BAZ2B: variants seen among roughly 807,000 people sequenced by gnomAD.
BAZ2B encodes the protein bromodomain adjacent to zinc finger domain protein 2B.
A neutral mutation model predicts 246.0 loss-of-function variants in BAZ2B; 91 were observed. The ratio of observed to expected loss-of-function variants is 0.37; its 90% confidence interval spans 0.31 to 0.44. BAZ2B has a LOEUF of 0.44. BAZ2B is among the 20% of genes least tolerant of loss of function. The pLI, the probability that BAZ2B is intolerant of heterozygous loss-of-function variation, is 1.00. For missense variants in BAZ2B, 2,332 were observed against 2,533.7 expected (o/e 0.92, Z 1.71); for synonymous variants, 855 against 860.0 (o/e 0.99, Z 0.10).
chr2:159,347,432 CATT>C (rs2068064535), intron 31 of BAZ2B, 51 bp downstream of exon 31: 11 of 1,538,144 alleles, frequency 7.2e-6, no homozygotes, highest in Middle Eastern at 3.4e-4. Flanking sequence ...AAGTAATAAA[CATT>C]AGTTATCTTC....
the BAZ2B span, among the ~76,000 whole-genome samples, chr2:159,628,229 A>C: frequency 6.6e-6 from 1 of 152,224 alleles, no homozygotes; most frequent in African/African-American, 2.4e-5. Context: ...AATATTGTGA[A>C]AATGGCCATA....
intron 1 of BAZ2B, among the ~76,000 whole-genome samples, chr2:159,560,359 CTCTTT>C (rs2089700498): frequency 6.6e-6 from 1 of 152,018 alleles, no homozygotes; most frequent in East Asian, 1.9e-4. Context: ...GTGCTCTATG[CTCTTT>C]TCAAGGTATG....
At chr2:159,689,441 G>C in the BAZ2B span, 1 of 234,962 alleles carries the variant, frequency 4.3e-6, no homozygotes, top group South Asian at 5.5e-5. Flanking sequence ...GCACGATCTC[G>C]GCTCACTGCA....
At chr2:159,567,723 T>C (rs1029185063) in intron 1 of BAZ2B, among the ~76,000 whole-genome samples, 4 of 152,118 alleles carry the variant, frequency 2.6e-5, no homozygotes, top group South Asian at 2.1e-4. Context: ...CCTGTAATCA[T>C]AGCACTTCAG....
intron 10 of BAZ2B, 67 bp from the exon 11 acceptor site, chr2:159,429,327 G>C: frequency 1.0e-6 from 1 of 974,304 alleles, no homozygotes; most frequent in African/African-American, 1.6e-5. Flanking sequence ...TGATAGTTTA[G>C]AAACTTTTCT....
intron 1 of BAZ2B, among the ~76,000 whole-genome samples, chr2:159,609,553 T>C (rs1172170881): frequency 1.3e-5 from 2 of 152,206 alleles, no homozygotes; most frequent in African/African-American, 4.8e-5. Flanking sequence ...CTGTTATTGA[T>C]CTATGGACAA....
At chr2:159,601,139 A>G (rs1692035466) in intron 1 of BAZ2B, among the ~76,000 whole-genome samples, 1 of 152,194 alleles carries the variant, frequency 6.6e-6, no homozygotes, top group African/African-American at 2.4e-5. Flanking sequence ...TATGTAAACT[A>G]TACTTCCTGT....
At chr2:159,671,542 A>AAAT in the BAZ2B span, among the ~76,000 whole-genome samples, 1 of 152,208 alleles carries the variant, frequency 6.6e-6, no homozygotes, top group African/African-American at 2.4e-5. Flanking sequence ...ACAGTTATTT[A>AAAT]TTGGGACGAT....
At position 159,446,686 on chromosome 2, in the gene BAZ2B, T is replaced by C. The variant is rs531702392; in HGVS notation, c.696+96A>G. 3 of 1,211,584 alleles carry C rather than the reference T, an allele frequency of 2.5e-6. No individual in the cohort carries two copies. In the South Asian group the frequency reaches 5.2e-5, roughly 21 times the overall value. The allele number at this position is 1,211,584 out of a possible 1,614,324, so 75.1% of individuals were successfully genotyped here. A position where few individuals can be genotyped will look rare whatever the true frequency, so the allele number is the denominator to read the frequency against. On this transcript the variant is annotated intron_variant, in intron 6 of 36. Transcript: ENST00000392783. The stretch of plus-strand genomic sequence containing the variant: ...TATAAAAATAAAAGTTGGTAATTCA[T>C]AAGAAATTAAACCATAGATTCTGTT...
chr2:159,397,880 G>A (rs906514813), intron 18 of BAZ2B, among the ~76,000 whole-genome samples: 5 of 151,448 alleles, frequency 3.3e-5, no homozygotes, highest in Admixed American at 6.6e-5. Flanking sequence ...TATACACTAC[G>A]TATGAATTAA....
At chr2:159,402,546 A>T (rs890884550) in intron 16 of BAZ2B, among the ~76,000 whole-genome samples, 6 of 152,234 alleles carry the variant, frequency 3.9e-5, no homozygotes, top group Non-Finnish European at 1.5e-5. Context: ...GAAAAGATTG[A>T]TCCATATTTG....
At chr2:159,634,110 C>T in the BAZ2B span, among the ~76,000 whole-genome samples, 88 of 152,312 alleles carry the variant, frequency 5.8e-4, no homozygotes, top group African/African-American at 2.1e-3. Context: ...ATTTTCACTA[C>T]TGCCTTTAAT....
At chr2:159,611,289 T>G (rs1387465452) in intron 1 of BAZ2B, among the ~76,000 whole-genome samples, 2 of 151,928 alleles carry the variant, frequency 1.3e-5, no homozygotes, top group Non-Finnish European at 1.5e-5. Flanking sequence ...AGTTCACATT[T>G]CATACACAAT....
At chr2:159,391,833 T>G (rs1039089115) in intron 20 of BAZ2B, among the ~76,000 whole-genome samples, 2 of 152,176 alleles carry the variant, frequency 1.3e-5, no homozygotes, top group African/African-American at 4.8e-5. Flanking sequence ...GGTGTGACCT[T>G]TATCAGTTAA....
intron 1 of BAZ2B, among the ~76,000 whole-genome samples, chr2:159,578,572 G>T (rs1685924173): frequency 1.3e-5 from 2 of 152,130 alleles, no homozygotes; most frequent in Non-Finnish European, 2.9e-5. Flanking sequence ...GCACCAAGCA[G>T]ACCTAATAGA....
chr2:159,687,132 C>T, the BAZ2B span, among the ~76,000 whole-genome samples: 2 of 151,438 alleles, frequency 1.3e-5, no homozygotes, highest in Admixed American at 6.6e-5. Flanking sequence ...CAGTAACTTG[C>T]TGTACTATTT....
In BAZ2B at chr2:159,382,614, T is replaced by C; in HGVS notation, c.3950A>G (p.Asp1317Gly). 1.3e-6 allele frequency: 2 copies of C among 1,562,844 alleles called. No homozygotes were observed. Among genetic ancestry groups the C allele is most frequent in the Non-Finnish European group, 1.7e-6 (2 of 1,151,224 alleles). ...SDDQGDEDDE[D>G]EEDKEDKKGK... Reference sequence around the variant, plus strand: ...TTTTTTGTCTTCTTTATCTTCTTCATCCTCATCATCTTCATCCCCTTGGTC... The same window carrying C: ...TTTTTTGTCTTCTTTATCTTCTTCACCCTCATCATCTTCATCCCCTTGGTC... Residue 1317 changes from aspartate (D) to glycine (G), a missense_variant, in exon 25 of 37, where the codon GAT becomes GGT. Coordinates refer to ENST00000392783, the MANE Select transcript of BAZ2B (RefSeq NM_013450.4).
chr2:159,681,915 C>A, the BAZ2B span, among the ~76,000 whole-genome samples: 4 of 148,946 alleles, frequency 2.7e-5, no homozygotes, highest in Non-Finnish European at 5.9e-5. Context: ...ACAGAGACTC[C>A]GTCTCAAAAA....
intron 27 of BAZ2B, among the ~76,000 whole-genome samples, chr2:159,369,418 T>C (rs554530068): frequency 6.6e-6 from 1 of 152,278 alleles, no homozygotes; most frequent in South Asian, 2.1e-4. Flanking sequence ...TTACAGGTTA[T>C]AGAGGTCATT....
Sources: allele counts gnomAD v4.1 joint callset (sites outside exome capture counted in the v4.1 genomes callset), GRCh38; gene constraint gnomAD v4.1.1; transcripts MANE v1.5; gene names NCBI Gene and HGNC (gene_info 2026-07-23, HGNC 2026-07-21).